Variants in XRCC5 observed in about 807,000 individuals in gnomAD.
XRCC5 encodes the protein X-ray repair cross complementing 5, also known as DNA repair protein Ku80.
Under a neutral mutation model 95.7 loss-of-function variants are expected in XRCC5, and 12 were observed. The observed-to-expected ratio is 0.13, with a 90% CI of 0.08 to 0.20. XRCC5 has a LOEUF of 0.20. XRCC5 is among the 10% of genes least tolerant of loss of function. The probability of loss-of-function intolerance (pLI) is 1.00; values close to 1 mark genes in which losing one functional copy is unlikely to be tolerated. For missense variants in XRCC5, 595 were observed against 873.9 expected (o/e 0.68, Z 4.02); for synonymous variants, 281 against 290.3 (o/e 0.97, Z 0.33).
intron 14 of XRCC5, chr2:216,156,460 G>A (rs867925785): frequency 2.9e-6 from 2 of 694,772 alleles, no homozygotes; most frequent in Non-Finnish European, 5.4e-6. Context: ...TACAGCACTG[G>A]TCAGATCTAC....
At chr2:216,134,677 C>A (rs998389073) in intron 10 of XRCC5, among the ~76,000 whole-genome samples, 2 of 151,530 alleles carry the variant, frequency 1.3e-5, no homozygotes, top group Admixed American at 6.6e-5. Context: ...GATCCACCCC[C>A]CCCCCTCCTC....
At chr2:216,113,239 G>T in intron 2 of XRCC5, 110 bp downstream of exon 2, 2 of 812,838 alleles carry the variant, frequency 2.5e-6, no homozygotes, top group East Asian at 2.6e-5. Flanking sequence ...CCTCTGTTTG[G>T]GGGGATTCTG....
In XRCC5 at chr2:216,172,469, C is replaced by CTTTTTTTTT. The variant is rs746493174; in HGVS notation, c.1834+10430_1834+10438dup. 8.2e-3 allele frequency among the ~76,000 whole-genome samples: 884 copies of CTTTTTTTTT among 107,616 alleles called. 69 individuals are homozygous for CTTTTTTTTT. Among genetic ancestry groups the CTTTTTTTTT allele is most frequent in the African/African-American group, 0.017 (430 of 25,418 alleles). 70.6% of individuals were successfully genotyped at this position (107,616 alleles called of 152,430 possible). On this transcript the variant is annotated intron_variant, in intron 16 of 20. Coordinates refer to ENST00000392132, the MANE Select transcript of XRCC5 (RefSeq NM_021141.4). ...AAACTTTAGCATCAGCTTTTCTTTT[C>CTTTTTTTTT]TTTTTTTTTTTTTTTTTGAGACAAA...
chr2:216,141,239 A>G lies in XRCC5; in HGVS notation c.1396A>G (p.Lys466Glu). ...GATTGACTCCATGAGCTTGGCAAAGAAAGATGAGAAGACAGACACCCTTGA... is the reference window on the plus strand; with the variant it reads ...GATTGACTCCATGAGCTTGGCAAAGGAAGATGAGAAGACAGACACCCTTGA... ...ALIDSMSLAK[K>E]DEKTDTLEDL... The change falls in exon 13 of 21, where the codon AAA (lysine) becomes GAA (glutamate). Residue 466 changes from lysine (K) to glutamate (E), a missense_variant. Transcript: ENST00000392132. 6.2e-7 allele frequency: 1 copy of G among 1,614,196 alleles called. No homozygotes were observed.
At chr2:216,167,265 G>T (rs1016126252) in intron 16 of XRCC5, among the ~76,000 whole-genome samples, 11 of 151,708 alleles carry the variant, frequency 7.3e-5, no homozygotes, top group Non-Finnish European at 1.6e-4. Context: ...TTTTGCCTTT[G>T]TTCTTCAACC....
intron 16 of XRCC5, among the ~76,000 whole-genome samples, chr2:216,189,589 T>A (rs1689575921): frequency 6.6e-6 from 1 of 152,206 alleles, no homozygotes; most frequent in South Asian, 2.1e-4. Flanking sequence ...AGTTACTGTT[T>A]ATTAAGTATT....
At chr2:216,119,674 A>T (rs182285070) in intron 5 of XRCC5, among the ~76,000 whole-genome samples, 1 of 152,350 alleles carries the variant, frequency 6.6e-6, no homozygotes, top group South Asian at 2.1e-4. Context: ...TTGTGGACAC[A>T]TATATAAAAT....
chr2:216,184,032 C>CTGTGTGTGTGTGTGTGTGTGTGTGTGTG (rs3221952), intron 16 of XRCC5, among the ~76,000 whole-genome samples: 3 of 145,630 alleles, frequency 2.1e-5, no homozygotes, highest in Non-Finnish European at 3.0e-5. Flanking sequence ...TAAGTCAGCA[C>CTGTGTGTGTGTGTGTGTGTGTGTGTGTG]TGTGTGTGTG....
intron 20 of XRCC5, 127 bp from the exon 21 acceptor site, chr2:216,205,061 G>A: frequency 9.1e-7 from 1 of 1,098,504 alleles, no homozygotes; most frequent in African/African-American, 1.6e-5. Context: ...AATGAGCGGT[G>A]AATAAATGAG....
At chr2:216,118,912 C>A in intron 4 of XRCC5, 131 bp from the exon 5 acceptor site, 1 of 969,352 alleles carries the variant, frequency 1.0e-6, no homozygotes, top group Non-Finnish European at 1.6e-6. Flanking sequence ...AATTGGACTA[C>A]TAGAATGTAA....
At position 216,205,929 on chromosome 2, in the gene XRCC5, C is replaced by A. The variant is rs6941; in HGVS notation, c.*727C>A. On this transcript the variant is annotated 3_prime_UTR_variant, in exon 21 of 21. Coordinates refer to ENST00000392132, the MANE Select transcript of XRCC5 (RefSeq NM_021141.4). ...CCATATCAGTGAACCTTTAGAAACT[C>A]AAAAACTGAGAAATTTACTACAGTA... 17,852 of 152,134 alleles carry A rather than the reference C, an allele frequency of 0.12. 1,207 individuals carry two copies. The highest frequency in any genetic ancestry group is 0.28 in the South Asian group (1,326 of 4,810). 9.4% of individuals were successfully genotyped at this position (152,134 alleles called of 1,614,324 possible). A position where few individuals can be genotyped will look rare whatever the true frequency, so the allele number is the denominator to read the frequency against.
intron 14 of XRCC5, among the ~76,000 whole-genome samples, chr2:216,152,939 C>T (rs371213735): frequency 4.6e-5 from 7 of 152,240 alleles, no homozygotes; most frequent in South Asian, 2.1e-4. Context: ...TAGCTTCTCC[C>T]TCGCTACCAC....
chr2:216,121,766 CAG>C (rs143953815), intron 5 of XRCC5, among the ~76,000 whole-genome samples: 1 of 152,130 alleles, frequency 6.6e-6, no homozygotes, highest in Non-Finnish European at 1.5e-5. Flanking sequence ...AAAATAGAGA[CAG>C]AGAGAGTAAT....
chr2:216,124,378 C>T, intron 6 of XRCC5, among the ~76,000 whole-genome samples: 1 of 152,168 alleles, frequency 6.6e-6, no homozygotes, highest in East Asian at 1.9e-4. Context: ...TCCCAAGTAG[C>T]TGGGATTACA....
chr2:216,183,943 C>G (rs1336216181), intron 16 of XRCC5, among the ~76,000 whole-genome samples: 1 of 151,288 alleles, frequency 6.6e-6, no homozygotes, highest in Non-Finnish European at 1.5e-5. Flanking sequence ...AACTAGAAAA[C>G]AAGAATACCA....
chr2:216,166,292 T>G (rs1689053121), intron 16 of XRCC5, among the ~76,000 whole-genome samples: 1 of 152,112 alleles, frequency 6.6e-6, no homozygotes, highest in Admixed American at 6.5e-5. Flanking sequence ...AGGCTAATTT[T>G]TGTAGTTTTT....
intron 16 of XRCC5, among the ~76,000 whole-genome samples, chr2:216,186,399 C>A (rs1417258386): frequency 1.3e-5 from 2 of 152,138 alleles, no homozygotes; most frequent in Non-Finnish European, 2.9e-5. Context: ...AAAACTTCGC[C>A]ATTTTCCTCT....
At chr2:216,154,310 G>T (rs1176351141) in intron 14 of XRCC5, among the ~76,000 whole-genome samples, 30 of 152,114 alleles carry the variant, frequency 2.0e-4, no homozygotes, top group Non-Finnish European at 1.5e-5. Flanking sequence ...CTTTCTTCAG[G>T]CTTAGTTTGC....
chr2:216,132,432 T>A, intron 10 of XRCC5, 45 bp downstream of exon 10: 2 of 1,592,998 alleles, frequency 1.3e-6, no homozygotes, highest in Middle Eastern at 1.7e-4. Context: ...AGAATTGAAT[T>A]GTAAGTCTAT....
Sources: gnomAD v4.1 joint callset for allele counts (sites outside exome capture counted in the v4.1 genomes callset) on GRCh38, gnomAD v4.1.1 for gene constraint, MANE v1.5 for transcripts, NCBI Gene and HGNC (gene_info 2026-07-23, HGNC 2026-07-21) for gene names.